ADGRB3: variants seen among roughly 807,000 people sequenced by gnomAD.
The protein encoded by ADGRB3 is adhesion G protein-coupled receptor B3, also known as brain-specific angiogenesis inhibitor 3.
ADGRB3 carries 37 observed loss-of-function variants against 193.4 expected under a neutral mutation model. The ratio of observed to expected loss-of-function variants is 0.19; its 90% CI spans 0.15 to 0.25. The LOEUF (loss-of-function observed/expected upper bound fraction) is 0.25. ADGRB3 is among the 10% of genes least tolerant of loss of function. The pLI, the probability that ADGRB3 is intolerant of heterozygous loss-of-function variation, is 1.00. For missense variants in ADGRB3, 1,637 were observed against 1,852.9 expected (o/e 0.88, Z 2.14); for synonymous variants, 690 against 644.2 (o/e 1.07, Z -1.08).
chr6:69,267,926 C>T (rs978450871), intron 20 of ADGRB3, among the ~76,000 whole-genome samples: 1 of 152,084 alleles, frequency 6.6e-6, no homozygotes, highest in African/African-American at 2.4e-5. Flanking sequence ...ATCATGACAC[C>T]TAGCAATTCA....
At chr6:68,664,776 A>G (rs1252271670) in intron 3 of ADGRB3, among the ~76,000 whole-genome samples, 1 of 151,838 alleles carries the variant, frequency 6.6e-6, no homozygotes, top group African/African-American at 2.4e-5. Context: ...GGCTGTCTCC[A>G]GAGCCTTCAC....
chr6:69,046,133 T>A (rs983726051), intron 13 of ADGRB3, among the ~76,000 whole-genome samples: 1 of 152,164 alleles, frequency 6.6e-6, no homozygotes, highest in African/African-American at 2.4e-5. Context: ...TTGTTTTCCA[T>A]CTAATGTGTA....
chr6:68,936,467 T>A, intron 4 of ADGRB3, 52 bp from the exon 5 acceptor site: 1 of 1,561,836 alleles, frequency 6.4e-7, no homozygotes, highest in Admixed American at 1.7e-5. Context: ...TAATGCTTAC[T>A]AGATGAATAC....
At chr6:68,801,284 T>C (rs1455570212) in intron 3 of ADGRB3, among the ~76,000 whole-genome samples, 1 of 152,192 alleles carries the variant, frequency 6.6e-6, no homozygotes, top group Non-Finnish European at 1.5e-5. Flanking sequence ...TGTAAGTATC[T>C]CTTTCATTCA....
intron 4 of ADGRB3, among the ~76,000 whole-genome samples, chr6:68,932,642 GGTAA>G (rs972048202): frequency 6.6e-6 from 1 of 151,692 alleles, no homozygotes; most frequent in Non-Finnish European, 1.5e-5. Flanking sequence ...AATAAATACA[GGTAA>G]GTGTCACACA....
intron 13 of ADGRB3, among the ~76,000 whole-genome samples, chr6:69,030,812 G>C (rs930964235): frequency 3.9e-5 from 6 of 151,974 alleles, no homozygotes; most frequent in African/African-American, 1.4e-4. Context: ...CAAACATTTT[G>C]GGTTTGAGTT....
At chr6:68,963,224 A>G (rs1768283452) in intron 8 of ADGRB3, among the ~76,000 whole-genome samples, 1 of 152,182 alleles carries the variant, frequency 6.6e-6, no homozygotes, top group African/African-American at 2.4e-5. Context: ...TGGTGTCCTC[A>G]TTTATAAAAT....
intron 3 of ADGRB3, among the ~76,000 whole-genome samples, chr6:68,664,790 TG>T (rs1193654567): frequency 1.3e-4 from 20 of 151,824 alleles, no homozygotes; most frequent in Admixed American, 9.9e-4. Context: ...CCTTCACCAC[TG>T]TACTTTACTG....
intron 3 of ADGRB3, among the ~76,000 whole-genome samples, chr6:68,848,498 A>C (rs1768332787): frequency 6.6e-6 from 1 of 152,168 alleles, no homozygotes; most frequent in South Asian, 2.1e-4. Flanking sequence ...TCATACAAAA[A>C]GCAAGTGGCT....
At chr6:69,376,082 CTTTTTTTT>C (rs58780409) in intron 30 of ADGRB3, among the ~76,000 whole-genome samples, 21 of 67,380 alleles carry the variant, frequency 3.1e-4, no homozygotes, top group Non-Finnish European at 5.6e-4. Context: ...ATTATGTAGC[CTTTTTTTT>C]TTTTTTTTTT....
intron 17 of ADGRB3, among the ~76,000 whole-genome samples, chr6:69,150,455 C>T (rs1022497211): frequency 1.3e-5 from 2 of 152,144 alleles, no homozygotes; most frequent in Non-Finnish European, 2.9e-5. Flanking sequence ...AAGGGCTCTT[C>T]AGTCAGCTTG....
intron 17 of ADGRB3, among the ~76,000 whole-genome samples, chr6:69,218,085 AG>A (rs779875786): frequency 0.029 from 4,309 of 148,132 alleles, 88 homozygotes; most frequent in Middle Eastern, 0.045. Flanking sequence ...AAAAAAAAAA[AG>A]AAGAAGTCAA....
At chr6:68,901,952 A>G (rs1325763452) in intron 3 of ADGRB3, among the ~76,000 whole-genome samples, 1 of 152,142 alleles carries the variant, frequency 6.6e-6, no homozygotes, top group Non-Finnish European at 1.5e-5. Flanking sequence ...CATTGGCAAT[A>G]TTTAATTTAT....
intron 3 of ADGRB3, among the ~76,000 whole-genome samples, chr6:68,675,767 CAGTGACTAAGCA>C (rs1392007335): frequency 3.9e-5 from 6 of 152,142 alleles, no homozygotes; most frequent in African/African-American, 9.7e-5. Flanking sequence ...GAAGAGCCCT[CAGTGACTAAGCA>C]GCATACTCTG....
intron 29 of ADGRB3, among the ~76,000 whole-genome samples, chr6:69,366,909 T>G (rs1311433061): frequency 6.6e-6 from 1 of 152,092 alleles, no homozygotes; most frequent in Non-Finnish European, 1.5e-5. Context: ...CTAAATGTAA[T>G]CAAGATAGAA....
intron 17 of ADGRB3, among the ~76,000 whole-genome samples, chr6:69,093,512 G>A (rs147179055): frequency 2.4e-3 from 371 of 151,844 alleles, no homozygotes; most frequent in Middle Eastern, 0.014. Context: ...GAGTGGTTGG[G>A]CAGCCTAGGT....
intron 20 of ADGRB3, among the ~76,000 whole-genome samples, chr6:69,305,836 T>C (rs1768056970): frequency 6.6e-6 from 1 of 151,458 alleles, no homozygotes; most frequent in African/African-American, 2.4e-5. Context: ...ACATATGTTA[T>C]GCATTCATGG....
intron 3 of ADGRB3, among the ~76,000 whole-genome samples, chr6:68,884,080 C>T (rs1387391225): frequency 1.3e-5 from 2 of 152,176 alleles, no homozygotes; most frequent in Admixed American, 1.3e-4. Flanking sequence ...ACCTGAGCTC[C>T]TTCTCTCTCT....
intron 3 of ADGRB3, among the ~76,000 whole-genome samples, chr6:68,834,546 A>G (rs1400665226): frequency 2.0e-5 from 3 of 152,222 alleles, no homozygotes; most frequent in Non-Finnish European, 4.4e-5. Context: ...AAATTATAGA[A>G]CAAAGCAACT....
Sources: gnomAD v4.1 joint callset for allele counts (sites outside exome capture counted in the v4.1 genomes callset) on GRCh38, gnomAD v4.1.1 for gene constraint, MANE v1.5 for transcripts, NCBI Gene and HGNC (gene_info 2026-07-23, HGNC 2026-07-21) for gene names.